The following TMEM126A variants were observed in gnomAD, a reference collection of about 807,000 sequenced individuals.
TMEM126A encodes optic atrophy 7.
A neutral mutation model predicts 18.3 loss-of-function variants in TMEM126A; 10 were observed. That is an observed-to-expected ratio of 0.55 (90% confidence interval 0.34 to 0.93). The LOEUF (loss-of-function observed/expected upper bound fraction) is 0.93, where lower values mean the gene tolerates loss of function less well. Among genes scored for constraint, TMEM126A ranks in the 40% least tolerant of loss-of-function variants. The probability of loss-of-function intolerance (pLI) is 0.02; values close to 1 mark genes in which losing one functional copy is unlikely to be tolerated. For synonymous variants in TMEM126A, 68 were observed against 78.1 expected (o/e 0.87, Z 0.68); for missense variants, 246 against 230.2 (o/e 1.07, Z -0.44).
At chr11:85,650,136 T>C in intron 1 of TMEM126A, 113 bp from the exon 2 acceptor site, 1 of 635,684 alleles carries the variant, frequency 1.6e-6, no homozygotes, top group East Asian at 2.9e-5. Context: ...TTTAATAATA[T>C]GTATGCAATG....
rs1337260916 is a variant in TMEM126A, at chr11:85,656,511, A to C, written c.*10A>C. ...CAAAGAAATTCACTGATTTTAAACA[A>C]ATATGTAAACAAAAATAAAATGGTA... On this transcript the variant is annotated 3_prime_UTR_variant, in exon 5 of 5. Transcript: ENST00000304511. 5 of 1,605,220 alleles carry C rather than the reference A, an allele frequency of 3.1e-6. No individual in the cohort carries two copies. The highest frequency in any genetic ancestry group is 2.6e-6 in the Non-Finnish European group (3 of 1,173,384).
Position 85,654,013 on chromosome 11 carries a change from T to TCA in TMEM126A, c.87-41_87-40dup, listed in dbSNP as rs1324548265. 13 of 1,597,452 alleles carry TCA rather than the reference T, an allele frequency of 8.1e-6. No individual in the cohort carries two copies. In the African/African-American group the frequency reaches 1.3e-4, roughly 16 times the overall value. ...TAACACATGTCAAGATCGGGAAAGC[T>TCA]CACACACACAATAATGCCAAAGAAA... On this transcript the variant is annotated intron_variant, in intron 2 of 4. Transcript: ENST00000304511.
chr11:85,655,809 A>G lies in TMEM126A; in HGVS notation c.395+101A>G, dbSNP rs537304424. The G allele has an allele frequency of 1.2e-3, 956 of 796,960 alleles. 21 individuals carry two copies. In the South Asian group the frequency reaches 0.013, roughly 11 times the overall value. The allele number at this position is 796,960 out of a possible 1,614,324, so 49.4% of individuals were successfully genotyped here. ...TTTTAAGGCATTTAGACCAAAGGCA[A>G]TGTTACCCTCTTGATTAGAAGTTAG... On this transcript the variant is annotated intron_variant, in intron 4 of 4. Coordinates refer to ENST00000304511, the MANE Select transcript of TMEM126A (RefSeq NM_032273.4).
chr11:85,649,443 G>C (rs2082483968), intron 1 of TMEM126A, among the ~76,000 whole-genome samples: 1 of 152,106 alleles, frequency 6.6e-6, no homozygotes, highest in Non-Finnish European at 1.5e-5. Flanking sequence ...TTCAACAAAG[G>C]CTGTATGTTA....
intron 2 of TMEM126A, among the ~76,000 whole-genome samples, chr11:85,650,790 C>A (rs758627626): frequency 1.3e-4 from 20 of 152,100 alleles, no homozygotes; most frequent in Admixed American, 2.0e-4. Flanking sequence ...TTAAAGAGGG[C>A]CAGGCATGGT....
rs550309797 is a variant in TMEM126A at position 85,653,765 on chromosome 11, A to G, written c.87-298A>G. ...TCCATTGTCTTCTGGTTGTTTAAAG[A>G]CTAGTGTAGAAGCCTGACATGTAAA... On this transcript the variant is annotated intron_variant, in intron 2 of 4. Coordinates refer to ENST00000304511, the MANE Select transcript of TMEM126A (RefSeq NM_032273.4). Among the ~76,000 whole-genome samples the G allele has an allele frequency of 7.9e-5, 12 of 152,314 alleles. No individual in the cohort carries two copies. The East Asian group carries it at 1.5e-3, about 20-fold the overall frequency.
At position 85,656,322 on chromosome 11, in the gene TMEM126A, C is replaced by CT. The variant is rs2082539382; in HGVS notation, c.410dup (p.Leu138ValfsTer13). On this transcript the variant is annotated frameshift_variant, in exon 5 of 5. Coordinates refer to ENST00000304511, the MANE Select transcript of TMEM126A (RefSeq NM_032273.4). LOFTEE classifies it high-confidence loss of function. ...GTTTTCTTACAGGTATCAATCAGCTCTGTTACCACACAAAGGGAACATCTT... is the reference window on the plus strand; with the variant it reads ...GTTTTCTTACAGGTATCAATCAGCTCTTGTTACCACACAAAGGGAACATCTT... The CT allele has an allele frequency of 6.2e-7, 1 of 1,611,336 alleles. No individual in the cohort carries two copies. Among genetic ancestry groups the CT allele is most frequent in the Non-Finnish European group, 8.5e-7 (1 of 1,179,324 alleles).
chr11:85,651,748 C>T (rs936093150), intron 2 of TMEM126A, among the ~76,000 whole-genome samples: 3 of 152,148 alleles, frequency 2.0e-5, no homozygotes, highest in African/African-American at 7.2e-5. Context: ...CCCCCCTCCC[C>T]ACACTCCAAC....
chr11:85,655,129 T>C (rs958676382), intron 3 of TMEM126A, among the ~76,000 whole-genome samples: 4 of 152,182 alleles, frequency 2.6e-5, no homozygotes, highest in African/African-American at 9.7e-5. Flanking sequence ...AATATTACCA[T>C]GGGTGCTAGG....
At chr11:85,655,469 GTACAAT>G in intron 3 of TMEM126A, 119 bp from the exon 4 acceptor site, 1 of 750,776 alleles carries the variant, frequency 1.3e-6, no homozygotes, top group Non-Finnish European at 2.4e-6. Flanking sequence ...AACAGGCTTT[GTACAAT>G]TACATTTGAT....
At chr11:85,650,950 T>C (rs2082494569) in intron 2 of TMEM126A, among the ~76,000 whole-genome samples, 2 of 150,572 alleles carry the variant, frequency 1.3e-5, no homozygotes, top group Admixed American at 6.7e-5. Context: ...GTGCCTGTAA[T>C]CCCAGCTACT....
At chr11:85,651,908 A>T (rs2082503387) in intron 2 of TMEM126A, among the ~76,000 whole-genome samples, 1 of 152,238 alleles carries the variant, frequency 6.6e-6, no homozygotes, top group Admixed American at 6.5e-5. Context: ...TCACACCTGT[A>T]ATCCCAGCAC....
intron 3 of TMEM126A, 160 bp from the exon 4 acceptor site, chr11:85,655,434 A>G: frequency 1.7e-6 from 1 of 604,752 alleles, no homozygotes; most frequent in Admixed American, 2.9e-5. Flanking sequence ...ATTTTAAGTT[A>G]CTCATAGATG....
chr11:85,650,479 G>A, intron 2 of TMEM126A, 138 bp downstream of exon 2: 1 of 706,162 alleles, frequency 1.4e-6, no homozygotes, highest in Non-Finnish European at 2.5e-6. Flanking sequence ...GCCTGGATGA[G>A]AGCGTTTAAC....
rs1234858273 is a variant in TMEM126A at position 85,655,619 on chromosome 11, C to G, written c.306C>G (p.Thr102=). ...NTGDLDCETC[T]ITRSGLTGLV... ...GTGATTTGGATTGTGAAACCTGTAC[C>G]ATAACACGGAGTGGACTGACTGGTC... The change falls in exon 4 of 5, where the codon ACC becomes ACG. Residue 102 remains threonine, a synonymous_variant. Coordinates refer to ENST00000304511, the MANE Select transcript of TMEM126A (RefSeq NM_032273.4). The G allele has an allele frequency of 1.2e-6, 2 of 1,613,488 alleles. No homozygotes were observed. Among genetic ancestry groups the G allele is most frequent in the East Asian group, 4.5e-5 (2 of 44,814 alleles).
At chr11:85,654,389 T>C (rs1176291624) in intron 3 of TMEM126A, 133 bp downstream of exon 3, 1 of 869,794 alleles carries the variant, frequency 1.1e-6, no homozygotes, top group African/African-American at 1.7e-5. Flanking sequence ...GCCTATATAA[T>C]GTGGCAAATA....
chr11:85,654,491 G>A (rs2082523492), intron 3 of TMEM126A, among the ~76,000 whole-genome samples: 1 of 152,116 alleles, frequency 6.6e-6, no homozygotes, highest in Non-Finnish European at 1.5e-5. Context: ...TGCTCTTGTT[G>A]CCCAGGTTGG....
At chr11:85,656,258 C>CATTTG (rs756213047) in intron 4 of TMEM126A, 51 bp from the exon 5 acceptor site, 16 of 1,521,564 alleles carry the variant, frequency 1.1e-5, no homozygotes, top group Non-Finnish European at 1.5e-5. Context: ...ATGGGTTTGC[C>CATTTG]ATTTGATGCA....
Position 85,648,047 on chromosome 11 carries a change from G to A in TMEM126A, c.-50G>A, listed in dbSNP as rs924947656. 2.2e-5 allele frequency: 3 copies of A among 138,312 alleles called. No homozygotes were observed. Among genetic ancestry groups the A allele is most frequent in the African/African-American group, 8.6e-5 (3 of 34,806 alleles). 8.6% of individuals were successfully genotyped at this position (138,312 alleles called of 1,614,324 possible). A position where few individuals can be genotyped will look rare whatever the true frequency, so the allele number is the denominator to read the frequency against. On this transcript the variant is annotated 5_prime_UTR_variant, in exon 1 of 5. Coordinates refer to ENST00000304511, the MANE Select transcript of TMEM126A (RefSeq NM_032273.4). ...CCACAGTGAACTCCGGCGTGGCTGA[G>A]GAAGGAGGAGGCACCCACAGGCTGC...
Sources: allele counts gnomAD v4.1 joint callset (sites outside exome capture counted in the v4.1 genomes callset), GRCh38; gene constraint gnomAD v4.1.1; transcripts MANE v1.5; gene names NCBI Gene and HGNC (gene_info 2026-07-23, HGNC 2026-07-21).